C12orf56: variants seen among roughly 807,000 people sequenced by gnomAD.
C12orf56 encodes the protein chromosome 12 open reading frame 56.
Under a neutral mutation model 69.9 loss-of-function variants are expected in C12orf56, and 71 were observed. That is an observed-to-expected ratio of 1.02 (90% CI 0.84 to 1.24). The LOEUF is 1.24. Ranked by LOEUF, C12orf56 falls within the 50% of genes most tolerant of loss-of-function variation. C12orf56 has a pLI of 0.00. For missense variants in C12orf56, 732 were observed against 738.5 expected (o/e 0.99, Z 0.10); for synonymous variants, 276 against 274.1 (o/e 1.01, Z -0.07).
chr12:64,271,318 T>G (rs1351804899), intron 11 of C12orf56, among the ~76,000 whole-genome samples: 1 of 150,216 alleles, frequency 6.7e-6, no homozygotes, highest in Non-Finnish European at 1.5e-5. Flanking sequence ...TACAAAAATT[T>G]GCCAGGCATG....
intron 1 of C12orf56, among the ~76,000 whole-genome samples, chr12:64,358,854 C>A (rs1182687517): frequency 1.3e-5 from 2 of 152,006 alleles, no homozygotes; most frequent in African/African-American, 4.8e-5. Flanking sequence ...ATAGACAGAA[C>A]AAAACTCTAA....
intron 1 of C12orf56, among the ~76,000 whole-genome samples, chr12:64,384,557 A>C (rs1164943817): frequency 3.3e-5 from 5 of 152,174 alleles, no homozygotes; most frequent in African/African-American, 7.2e-5. Flanking sequence ...TAAAAGGTGC[A>C]TTTGTTCTAG....
At chr12:64,303,543 A>G (rs1841960157) in intron 6 of C12orf56, 92 bp downstream of exon 6, 1 of 1,079,456 alleles carries the variant, frequency 9.3e-7, no homozygotes, top group African/African-American at 1.6e-5. Flanking sequence ...ATCAGAATAC[A>G]AGACAACTCT....
At chr12:64,285,896 T>C in intron 7 of C12orf56, 58 bp downstream of exon 7, 1 of 1,146,002 alleles carries the variant, frequency 8.7e-7, no homozygotes, top group East Asian at 2.5e-5. Flanking sequence ...TGTCTTCCAT[T>C]TATCTTTAAC....
intron 2 of C12orf56, among the ~76,000 whole-genome samples, chr12:64,336,385 G>A (rs1388394867): frequency 6.6e-6 from 1 of 151,990 alleles, no homozygotes; most frequent in Non-Finnish European, 1.5e-5. Context: ...AATATCACTT[G>A]CAAAGTTTCT....
intron 3 of C12orf56, among the ~76,000 whole-genome samples, chr12:64,328,572 C>G (rs1003641787): frequency 6.7e-6 from 1 of 149,650 alleles, no homozygotes; most frequent in African/African-American, 2.5e-5. Flanking sequence ...CCCAGCTACT[C>G]GGGAGGCTGA....
At chr12:64,340,415 C>T (rs1439481083) in intron 2 of C12orf56, among the ~76,000 whole-genome samples, 2 of 152,100 alleles carry the variant, frequency 1.3e-5, no homozygotes, top group African/African-American at 4.8e-5. Context: ...CATCACAAGT[C>T]CACCCCTTGT....
At chr12:64,379,286 T>G (rs2039680135) in intron 1 of C12orf56, among the ~76,000 whole-genome samples, 4 of 149,516 alleles carry the variant, frequency 2.7e-5, no homozygotes, top group Admixed American at 2.7e-4. Flanking sequence ...GAATGCAATT[T>G]CATTTTTTTT....
At position 64,284,767 on chromosome 12, in the gene C12orf56, G is replaced by A. The variant is rs190823490; in HGVS notation, c.1221-14C>T. On this transcript the variant is annotated splice_polypyrimidine_tract_variant and intron_variant, in intron 7 of 12. Transcript: ENST00000543942. Reference sequence around the variant, plus strand: ...TCAATGCATGCCCTAGAAAATAAACGATAAAAGGCAAAGAAATGGCATGAT... The same window carrying A: ...TCAATGCATGCCCTAGAAAATAAACAATAAAAGGCAAAGAAATGGCATGAT... 3.8e-4 allele frequency: 595 copies of A among 1,549,262 alleles called. 3 individuals carry two copies. The Middle Eastern group carries it at 7.0e-3, about 18-fold the overall frequency.
At chr12:64,344,449 C>T (rs372090942) in intron 2 of C12orf56, among the ~76,000 whole-genome samples, 18 of 152,258 alleles carry the variant, frequency 1.2e-4, no homozygotes, top group African/African-American at 4.1e-4. Flanking sequence ...CTAAGAACAC[C>T]GTGGTTAATT....
intron 6 of C12orf56, among the ~76,000 whole-genome samples, chr12:64,298,147 CT>C (rs2038393475): frequency 1.4e-5 from 1 of 73,746 alleles, no homozygotes; most frequent in Admixed American, 1.6e-4. Context: ...TGATGATGAG[CT>C]TTTTTTCATG....
intron 5 of C12orf56, among the ~76,000 whole-genome samples, chr12:64,305,982 A>C (rs945645124): frequency 2.6e-5 from 4 of 152,202 alleles, no homozygotes; most frequent in Non-Finnish European, 5.9e-5. Context: ...GGAGTCAGCA[A>C]TTTGCTAAGA....
chr12:64,314,882 G>A (rs1348157952), intron 4 of C12orf56, among the ~76,000 whole-genome samples: 1 of 140,100 alleles, frequency 7.1e-6, no homozygotes, highest in Non-Finnish European at 1.5e-5. Flanking sequence ...TGATCCGCCC[G>A]CCTCGGCCTC....
intron 5 of C12orf56, among the ~76,000 whole-genome samples, chr12:64,310,615 G>T (rs1260944570): frequency 2.6e-5 from 4 of 152,006 alleles, no homozygotes; most frequent in Middle Eastern, 3.2e-3. Context: ...CTTGCAGGTG[G>T]GGAGGGAGGG....
intron 3 of C12orf56, among the ~76,000 whole-genome samples, chr12:64,328,331 C>A (rs2038870001): frequency 6.6e-6 from 1 of 151,828 alleles, no homozygotes; most frequent in Non-Finnish European, 1.5e-5. Flanking sequence ...TGGCAGCTCC[C>A]AGAATCCTAC....
chr12:64,341,771 GTAGCTGGCTGAT>G (rs1443038922), intron 2 of C12orf56, among the ~76,000 whole-genome samples: 1 of 152,198 alleles, frequency 6.6e-6, no homozygotes, highest in Admixed American at 6.5e-5. Flanking sequence ...CTGCCACCAG[GTAGCTGGCTGAT>G]CACCCCGAGG....
At chr12:64,367,719 G>A (rs1254443581) in intron 1 of C12orf56, among the ~76,000 whole-genome samples, 2 of 150,192 alleles carry the variant, frequency 1.3e-5, no homozygotes, top group Non-Finnish European at 3.0e-5. Context: ...GGCCAGGCTG[G>A]CCTTGAACTC....
chr12:64,325,372 A>G (rs74100212), intron 3 of C12orf56, among the ~76,000 whole-genome samples: 2 of 141,394 alleles, frequency 1.4e-5, no homozygotes, highest in Admixed American at 7.2e-5. Flanking sequence ...AAAAAAAAAA[A>G]AAGAAGAAGA....
At chr12:64,322,049 TA>T (rs2038780434) in intron 3 of C12orf56, among the ~76,000 whole-genome samples, 2 of 151,630 alleles carry the variant, frequency 1.3e-5, no homozygotes, top group Admixed American at 1.3e-4. Flanking sequence ...CTCACTATGT[TA>T]CCCATGCTGG....
Sources: allele counts gnomAD v4.1 joint callset (sites outside exome capture counted in the v4.1 genomes callset), GRCh38; gene constraint gnomAD v4.1.1; transcripts MANE v1.5; gene names NCBI Gene and HGNC (gene_info 2026-07-23, HGNC 2026-07-21).